UGDH: variants seen among roughly 807,000 people sequenced by gnomAD.
UGDH encodes UDP-glucose 6-dehydrogenase, also known as UDP-Glc dehydrogenase.
Under a neutral mutation model 50.6 loss-of-function variants are expected in UGDH, and 38 were observed. The ratio of observed to expected loss-of-function variants is 0.75; its 90% CI spans 0.58 to 0.98. The LOEUF is 0.98. UGDH is among the 50% of genes least tolerant of loss of function. UGDH has a pLI of 0.00. For missense variants in UGDH, 465 were observed against 606.2 expected, an observed-to-expected ratio of 0.77 and a Z score of 2.45; for synonymous variants, 168 against 199.9, an observed-to-expected ratio of 0.84 and a Z score of 1.35.
chr4:39,514,339 C>A (rs1213933422), intron 2 of UGDH, among the ~76,000 whole-genome samples, 155 bp from the exon 3 acceptor site: 1 of 152,160 alleles, frequency 6.6e-6, no homozygotes, highest in African/African-American at 2.4e-5. Context: ...AGTTAAGGAT[C>A]ATATACCAAA....
chr4:39,521,069 CAAAA>C (rs1179305904), intron 2 of UGDH, among the ~76,000 whole-genome samples: 2 of 80,064 alleles, frequency 2.5e-5, no homozygotes, highest in South Asian at 3.8e-4. Context: ...GACTCCGTCT[CAAAA>C]AAAAAAAAAA....
intron 2 of UGDH, among the ~76,000 whole-genome samples, chr4:39,520,278 G>T (rs1265645545): frequency 6.6e-6 from 1 of 152,194 alleles, no homozygotes; most frequent in Non-Finnish European, 1.5e-5. Flanking sequence ...GGCAGGTGTT[G>T]CAGTGAGCTA....
chr4:39,510,848 G>T lies in UGDH; in HGVS notation c.278C>A (p.Thr93Lys). The T allele has an allele frequency of 6.2e-7, 1 of 1,614,114 alleles. No homozygotes were observed. Among genetic ancestry groups the T allele is most frequent in the Non-Finnish European group, 8.5e-7 (1 of 1,180,034 alleles). The change falls in exon 4 of 12, where the codon ACA becomes AAA. Residue 93 changes from threonine to lysine, a missense_variant. Transcript: ENST00000316423. ...DLVFISVNTPTKTYGMGKGRA... is the reference protein window; with the variant it reads ...DLVFISVNTPKKTYGMGKGRA... ...GCCTTTCCCCATTCCATAGGTTTTT[G>T]TTGGAGTATTCACCTGATGTAAGTA...
At chr4:39,505,546 C>T in intron 8 of UGDH, 72 bp downstream of exon 8, 1 of 1,407,838 alleles carries the variant, frequency 7.1e-7, no homozygotes, top group Non-Finnish European at 9.4e-7. Context: ...TGTACACCTA[C>T]CCCAATCAAA....
chr4:39,501,830 T>C (rs1340035914), intron 11 of UGDH, among the ~76,000 whole-genome samples: 5 of 152,190 alleles, frequency 3.3e-5, no homozygotes, highest in Admixed American at 2.0e-4. Flanking sequence ...ATATTCAAAA[T>C]CATCATCTTA....
chr4:39,513,531 C>CTTTTTT lies in UGDH; in HGVS notation c.264+546_264+551dup, dbSNP rs10707997. Among the ~76,000 whole-genome samples the CTTTTTT allele has an allele frequency of 8.4e-4, 74 of 88,022 alleles. 1 individual carries two copies. The highest frequency in any genetic ancestry group is 1.0e-3 in the Non-Finnish European group (49 of 47,054). The allele number at this position is 88,022 out of a possible 152,430, so 57.7% of individuals were successfully genotyped here. A position where few individuals can be genotyped will look rare whatever the true frequency, so the allele number is the denominator to read the frequency against. Reference sequence around the variant, plus strand: ...CTCATGTTACCAGCATTTCCTAGTTCTTTTTTTTTTTTTTTTTTTTTTTTG... The same window carrying CTTTTTT: ...CTCATGTTACCAGCATTTCCTAGTTCTTTTTTTTTTTTTTTTTTTTTTTTTTTTTTG... On this transcript the variant is annotated intron_variant, in intron 3 of 11. Transcript: ENST00000316423.
At chr4:39,520,994 C>T (rs151012727) in intron 2 of UGDH, among the ~76,000 whole-genome samples, 6 of 149,324 alleles carry the variant, frequency 4.0e-5, no homozygotes, top group Middle Eastern at 3.4e-3. Flanking sequence ...TGTTTGAACC[C>T]GTGAGGTGGG....
At chr4:39,527,148 G>T in intron 1 of UGDH, 135 bp downstream of exon 1, 1 of 1,286,356 alleles carries the variant, frequency 7.8e-7, no homozygotes, top group Non-Finnish European at 1.0e-6. Flanking sequence ...AAGGTCGTGA[G>T]ACGGGAAGCC....
intron 1 of UGDH, among the ~76,000 whole-genome samples, chr4:39,524,799 G>A (rs1362129374): frequency 1.3e-5 from 2 of 152,080 alleles, no homozygotes; most frequent in African/African-American, 2.4e-5. Context: ...GTGAGCCATC[G>A]CATCTGGCCA....
intron 3 of UGDH, among the ~76,000 whole-genome samples, chr4:39,513,531 CTTTTTTTTT>C (rs10707997): frequency 1.1e-5 from 1 of 88,008 alleles, no homozygotes; most frequent in African/African-American, 4.3e-5. Flanking sequence ...TTTCCTAGTT[CTTTTTTTTT>C]TTTTTTTTTT....
chr4:39,521,107 A>G (rs972038655), intron 2 of UGDH, among the ~76,000 whole-genome samples: 2 of 151,864 alleles, frequency 1.3e-5, no homozygotes, highest in Non-Finnish European at 2.9e-5. Context: ...AGGAAAGAGA[A>G]AAAATTATCC....
At chr4:39,501,116 C>T (rs1195961122) in intron 11 of UGDH, among the ~76,000 whole-genome samples, 1 of 151,832 alleles carries the variant, frequency 6.6e-6, no homozygotes, top group African/African-American at 2.4e-5. Flanking sequence ...CAAGCGCCCG[C>T]CACCACACCA....
At chr4:39,519,084 T>G (rs1249663676) in intron 2 of UGDH, among the ~76,000 whole-genome samples, 3 of 151,954 alleles carry the variant, frequency 2.0e-5, no homozygotes, top group African/African-American at 7.3e-5. Context: ...ACCTGGCTAA[T>G]TTTTGTATTT....
chr4:39,519,377 A>T (rs1746557052), intron 2 of UGDH, among the ~76,000 whole-genome samples: 1 of 152,082 alleles, frequency 6.6e-6, no homozygotes, highest in African/African-American at 2.4e-5. Flanking sequence ...ACTAGAATAC[A>T]CTGCTGGCAG....
chr4:39,524,011 C>T (rs1560269963), intron 1 of UGDH, among the ~76,000 whole-genome samples: 1 of 152,052 alleles, frequency 6.6e-6, no homozygotes, highest in Admixed American at 6.6e-5. Flanking sequence ...TTCTAATAAT[C>T]TTGTCTTTCT....
At position 39,509,907 on chromosome 4, in the gene UGDH, C is replaced by T. The variant is rs879942832; in HGVS notation, c.664G>A (p.Ala222Thr). Residue 222 changes from alanine to threonine, a missense_variant and splice_region_variant, in exon 6 of 12, where the codon GCA becomes ACA. Coordinates refer to ENST00000316423, the MANE Select transcript of UGDH (RefSeq NM_003359.4). ...CTCTGGGCAAGAAAAGCATTTGCTG[C>T]CTTAAAAAAAAAAAACATAGAGAAG... ...NTWSSELSKL[A>T]ANAFLAQRIS... 2 of 1,565,752 alleles carry T rather than the reference C, an allele frequency of 1.3e-6. No homozygotes were observed. Among genetic ancestry groups the T allele is most frequent in the Non-Finnish European group, 1.7e-6 (2 of 1,166,934 alleles).
chr4:39,505,851 T>G, intron 7 of UGDH, 103 bp from the exon 8 acceptor site: 1 of 1,191,768 alleles, frequency 8.4e-7, no homozygotes, highest in Admixed American at 2.9e-5. Flanking sequence ...ACAAATACAA[T>G]GCTTACATAT....
chr4:39,500,136 G>A lies in UGDH; in HGVS notation c.*7C>T. On this transcript the variant is annotated 3_prime_UTR_variant, in exon 12 of 12. Transcript: ENST00000316423. ...AAAAAAAAAATCACAAATAAAAATG[G>A]CAATCTCTACACTTTAGGTTTCTTG... The A allele has an allele frequency of 6.8e-7, 1 of 1,462,770 alleles. No homozygotes were observed. 90.6% of individuals were successfully genotyped at this position (1,462,770 alleles called of 1,614,324 possible). A position where few individuals can be genotyped will look rare whatever the true frequency, so the allele number is the denominator to read the frequency against.
At chr4:39,513,968 C>G in intron 3 of UGDH, 115 bp downstream of exon 3, 1 of 857,536 alleles carries the variant, frequency 1.2e-6, no homozygotes, top group Non-Finnish European at 1.8e-6. Context: ...CACCGGACAA[C>G]TCTATACTAA....
Sources: allele counts gnomAD v4.1 joint callset (sites outside exome capture counted in the v4.1 genomes callset), GRCh38; gene constraint gnomAD v4.1.1; transcripts MANE v1.5; gene names NCBI Gene and HGNC (gene_info 2026-07-23, HGNC 2026-07-21).